Variants in COQ10A observed in about 807,000 individuals in gnomAD.
The protein encoded by COQ10A is coenzyme Q-binding protein COQ10 homolog A, mitochondrial.
A neutral mutation model predicts 26.1 loss-of-function variants in COQ10A; 25 were observed. The ratio of observed to expected loss-of-function variants is 0.96; its 90% CI spans 0.70 to 1.34. COQ10A has a LOEUF of 1.34. Among genes scored for constraint, COQ10A ranks in the 40% most tolerant of loss-of-function variants. COQ10A has a pLI of 0.00. For synonymous variants in COQ10A, 132 were observed against 124.0 expected, an observed-to-expected ratio of 1.06 and a Z score of -0.43; for missense variants, 312 against 335.4, an observed-to-expected ratio of 0.93 and a Z score of 0.54.
rs1291170024 is a variant in COQ10A, at chr12:56,270,139, C to G, written c.577-11C>G. ...TCTGGAAGTTTCTGACTGTCTCTTACCCATTCCCAGATTTCCTTTGAATTT... is the reference window on the plus strand; with the variant it reads ...TCTGGAAGTTTCTGACTGTCTCTTAGCCATTCCCAGATTTCCTTTGAATTT... On this transcript the variant is annotated splice_polypyrimidine_tract_variant and intron_variant, in intron 4 of 4. Transcript: ENST00000308197. 1.9e-6 allele frequency: 3 copies of G among 1,612,514 alleles called. No homozygotes were observed. The East Asian group carries it at 6.7e-5, about 36-fold the overall frequency.
chr12:56,267,147 C>T lies in COQ10A; in HGVS notation c.29C>T (p.Pro10Leu). MAWAGSRRVPAGTRAAAERC... is the reference protein window; with the variant it reads MAWAGSRRVLAGTRAAAERC... The stretch of plus-strand genomic sequence containing the variant: ...GCCTGGGCGGGCTCGCGGCGGGTCC[C>T]AGCTGGGACGCGCGCGGCAGCCGAG... The change falls in exon 1 of 5, where the codon CCA becomes CTA. Residue 10 changes from proline to leucine, a missense_variant. Transcript: ENST00000308197. The T allele has an allele frequency of 2.2e-6, 3 of 1,339,510 alleles. No homozygotes were observed. The highest frequency in any genetic ancestry group is 2.9e-6 in the Non-Finnish European group (3 of 1,051,764). The allele number at this position is 1,339,510 out of a possible 1,614,324, so 83.0% of individuals were successfully genotyped here.
intron 1 of COQ10A, 30 bp from the exon 2 acceptor site, chr12:56,267,764 A>G: frequency 6.2e-7 from 1 of 1,613,846 alleles, no homozygotes; most frequent in Non-Finnish European, 8.5e-7. Context: ...GAAGAACTAT[A>G]CGGTTGGCTC....
Position 56,267,055 on chromosome 12 carries a change from C to T in COQ10A, c.-64C>T. ...GCCCAGCCGCTGCCTCTTGCCGCTC[C>T]GCCTTTGGAGTGAGGAGGGCGCAGC... On this transcript the variant is annotated 5_prime_UTR_variant, in exon 1 of 5. Coordinates refer to ENST00000308197, the MANE Select transcript of COQ10A (RefSeq NM_144576.4). The T allele has an allele frequency of 1.6e-6, 2 of 1,231,170 alleles. No homozygotes were observed. The highest frequency in any genetic ancestry group is 2.0e-6 in the Non-Finnish European group (2 of 985,622). The allele number at this position is 1,231,170 out of a possible 1,614,324, so 76.3% of individuals were successfully genotyped here. A position where few individuals can be genotyped will look rare whatever the true frequency, so the allele number is the denominator to read the frequency against.
intron 4 of COQ10A, 100 bp from the exon 5 acceptor site, chr12:56,270,050 G>T: frequency 5.8e-6 from 7 of 1,208,386 alleles, no homozygotes; most frequent in South Asian, 4.1e-5. Context: ...AACTGGATGG[G>T]GAGGGGGAGA....
At chr12:56,269,314 C>T in intron 3 of COQ10A, 63 bp downstream of exon 3, 1 of 1,550,826 alleles carries the variant, frequency 6.4e-7, no homozygotes, top group South Asian at 1.1e-5. Flanking sequence ...TATGAAAGTG[C>T]TATTTTGGCC....
intron 4 of COQ10A, 52 bp downstream of exon 4, chr12:56,269,613 C>A: frequency 8.2e-7 from 1 of 1,218,588 alleles, no homozygotes; most frequent in Non-Finnish European, 1.2e-6. Flanking sequence ...TGAGGAAGGG[C>A]TGGGGTACTG....
chr12:56,267,988 A>G (rs1233285858), intron 2 of COQ10A, 48 bp downstream of exon 2: 13 of 1,605,496 alleles, frequency 8.1e-6, no homozygotes, highest in African/African-American at 1.3e-5. Flanking sequence ...TTCCCTCCAA[A>G]TAACCCTGTC....
Position 56,270,536 on chromosome 12 carries a change from G to T in COQ10A, c.*219G>T. On this transcript the variant is annotated 3_prime_UTR_variant, in exon 5 of 5. Transcript: ENST00000308197. ...TGAGATGTGCTTAGGAAAGGGTCAG[G>T]CCCATCGTAGGAGCACCATATGCCT... The T allele has an allele frequency of 1.8e-6, 1 of 544,574 alleles. No individual in the cohort carries two copies. The highest frequency in any genetic ancestry group is 3.2e-6 in the Non-Finnish European group (1 of 308,648). 33.7% of individuals were successfully genotyped at this position (544,574 alleles called of 1,614,324 possible).
At chr12:56,268,343 C>T (rs149717898) in intron 2 of COQ10A, 72 of 192,534 alleles carry the variant, frequency 3.7e-4, no homozygotes, top group African/African-American at 1.5e-3. Flanking sequence ...CAGCCTGGCA[C>T]GGTGGCGGGC....
intron 4 of COQ10A, 132 bp from the exon 5 acceptor site, chr12:56,270,018 A>G: frequency 2.4e-6 from 2 of 846,336 alleles, no homozygotes; most frequent in Non-Finnish European, 3.8e-6. Context: ...GTCCCAAGTT[A>G]GGGCTCTTAC....
chr12:56,267,255 G>A lies in COQ10A; in HGVS notation c.134+3G>A. 1 of 1,550,980 alleles carries A rather than the reference G, an allele frequency of 6.4e-7. No homozygotes were observed. Among genetic ancestry groups the A allele is most frequent in the South Asian group, 1.2e-5 (1 of 82,758 alleles). ...CTGCCACCGCCGCGACCAATGAGGT[G>A]AGAGGGAGGTGACCGCGGCTGAGGG... On this transcript the variant is annotated splice_donor_region_variant and intron_variant, in intron 1 of 4. Transcript: ENST00000308197.
rs561115362 is a variant in COQ10A at position 56,269,654 on chromosome 12, G to C, written c.576+93G>C. The C allele has an allele frequency of 2.6e-5, 24 of 921,736 alleles. No individual in the cohort carries two copies. In the African/African-American group the frequency reaches 3.4e-4, roughly 13 times the overall value. 57.1% of individuals were successfully genotyped at this position (921,736 alleles called of 1,614,324 possible). The stretch of plus-strand genomic sequence containing the variant: ...GGGTTATTAATTTATTTGAGATGGA[G>C]TCTTGCTCCGTCACCCAGGCTGGAG... On this transcript the variant is annotated intron_variant, in intron 4 of 4. Transcript: ENST00000308197.
intron 4 of COQ10A, chr12:56,269,866 A>G: frequency 1.9e-6 from 1 of 521,260 alleles, no homozygotes; most frequent in Non-Finnish European, 3.4e-6. Flanking sequence ...GCCTCAGGTG[A>G]TCCGTCCGCC....
rs1376282533 is a variant in COQ10A, at chr12:56,267,619, C to G, written c.135-175C>G. ...CAGCCCTGTCCTTAGCTGCCCTCGA[C>G]CTTTTGCACTCGTGACTCCCTGGCC... is the stretch of plus-strand genomic sequence containing the variant. On this transcript the variant is annotated intron_variant, in intron 1 of 4. Transcript: ENST00000308197. 3.4e-6 allele frequency: 4 copies of G among 1,163,450 alleles called. No homozygotes were observed. In the African/African-American group the frequency reaches 6.1e-5, roughly 18 times the overall value. 72.1% of individuals were successfully genotyped at this position (1,163,450 alleles called of 1,614,324 possible).
At chr12:56,270,053 G>T in intron 4 of COQ10A, 97 bp from the exon 5 acceptor site, 2 of 1,238,896 alleles carry the variant, frequency 1.6e-6, no homozygotes, top group Non-Finnish European at 2.3e-6. Context: ...TGGATGGGGA[G>T]GGGGAGAAAA....
At chr12:56,270,068 C>G (rs760812253) in intron 4 of COQ10A, 82 bp from the exon 5 acceptor site, 6 of 1,423,966 alleles carry the variant, frequency 4.2e-6, no homozygotes, top group Non-Finnish European at 5.8e-6. Context: ...AGAAAAGGCA[C>G]TGAGGAACAG....
In COQ10A at chr12:56,267,051, G is replaced by A; in HGVS notation, c.-68G>A. 1.6e-6 allele frequency: 2 copies of A among 1,222,594 alleles called. No homozygotes were observed. The highest frequency in any genetic ancestry group is 2.0e-6 in the Non-Finnish European group (2 of 980,644). The allele number at this position is 1,222,594 out of a possible 1,614,324, so 75.7% of individuals were successfully genotyped here. A position where few individuals can be genotyped will look rare whatever the true frequency, so the allele number is the denominator to read the frequency against. On this transcript the variant is annotated 5_prime_UTR_variant, in exon 1 of 5. Transcript: ENST00000308197. Reference sequence around the variant, plus strand: ...ACCAGCCCAGCCGCTGCCTCTTGCCGCTCCGCCTTTGGAGTGAGGAGGGCG... The same window carrying A: ...ACCAGCCCAGCCGCTGCCTCTTGCCACTCCGCCTTTGGAGTGAGGAGGGCG...
At chr12:56,270,085 T>C in intron 4 of COQ10A, 65 bp from the exon 5 acceptor site, 1 of 1,509,634 alleles carries the variant, frequency 6.6e-7, no homozygotes, top group Non-Finnish European at 9.1e-7. Context: ...ACAGTTTCCT[T>C]GCATTTGGCC....
Position 56,270,273 on chromosome 12 carries a change from G to T in COQ10A, c.700G>T (p.Ala234Ser). Residue 234 changes from alanine (A) to serine (S), a missense_variant, in exon 5 of 5, where the codon GCC becomes TCC. Transcript: ENST00000308197. The part of the protein sequence containing the change: ...RAATKFGPET[A>S]IPRELMFHEV... ...AGCCACCAAGTTTGGTCCAGAAACA[G>T]CCATCCCCCGTGAACTGATGTTCCA... The T allele has an allele frequency of 6.2e-7, 1 of 1,614,138 alleles. No homozygotes were observed. Among genetic ancestry groups the T allele is most frequent in the Non-Finnish European group, 8.5e-7 (1 of 1,180,016 alleles).
Sources: allele counts gnomAD v4.1 joint callset, GRCh38; gene constraint gnomAD v4.1.1; transcripts MANE v1.5; gene names NCBI Gene and HGNC (gene_info 2026-07-23, HGNC 2026-07-21).